NAV3: variants seen among roughly 807,000 people sequenced by gnomAD.
NAV3 encodes the protein neuron navigator 3.
NAV3 carries 87 observed loss-of-function variants against 244.7 expected under a neutral mutation model. The observed-to-expected ratio is 0.36, with a 90% CI of 0.30 to 0.42. NAV3 has a LOEUF of 0.42. Ranked by LOEUF, NAV3 falls within the 20% of genes least tolerant of loss-of-function variation. The pLI, the probability that NAV3 is intolerant of heterozygous loss-of-function variation, is 1.00. For missense variants in NAV3, 2,663 were observed against 2,893.3 expected, an observed-to-expected ratio of 0.92 and a Z score of 1.83; for synonymous variants, 1,126 against 1,042.2, an observed-to-expected ratio of 1.08 and a Z score of -1.55.
chr12:77,841,638 T>A (rs1875668043), intron 1 of NAV3, among the ~76,000 whole-genome samples: 1 of 152,236 alleles, frequency 6.6e-6, no homozygotes, highest in Non-Finnish European at 1.5e-5. Flanking sequence ...TGCTGGTTTA[T>A]GCATTTCCTG....
intron 3 of NAV3, among the ~76,000 whole-genome samples, chr12:77,952,068 T>TA (rs35164374): frequency 0.34 from 47,443 of 139,936 alleles, 8,410 homozygotes; most frequent in South Asian, 0.46. Context: ...AAAGTATAAT[T>TA]AAAAAAAAAA....
intron 1 of NAV3, among the ~76,000 whole-genome samples, chr12:77,932,722 C>T (rs952113315): frequency 2.0e-5 from 3 of 152,074 alleles, no homozygotes; most frequent in African/African-American, 4.8e-5. Context: ...TTTTCATGTT[C>T]CCTACATGAA....
intron 2 of NAV3, among the ~76,000 whole-genome samples, chr12:77,725,576 A>G (rs925055130): frequency 1.3e-4 from 19 of 152,000 alleles, no homozygotes; most frequent in Admixed American, 9.2e-4. Flanking sequence ...TAGGGTGGAA[A>G]TCAGAGAAAG....
chr12:78,037,976 A>G (rs1880197646), intron 9 of NAV3, among the ~76,000 whole-genome samples: 1 of 152,170 alleles, frequency 6.6e-6, no homozygotes, highest in South Asian at 2.1e-4. Flanking sequence ...TTTGACAAAA[A>G]CTAGTTCTGC....
chr12:77,919,173 A>G (rs1029155420), intron 1 of NAV3, among the ~76,000 whole-genome samples: 1 of 152,086 alleles, frequency 6.6e-6, no homozygotes, highest in Admixed American at 6.6e-5. Context: ...CAAATATTTT[A>G]TGTCTATGGC....
At chr12:78,165,935 A>AC (rs756667614) in intron 23 of NAV3, among the ~76,000 whole-genome samples, 2 of 149,376 alleles carry the variant, frequency 1.3e-5, no homozygotes, top group Non-Finnish European at 3.0e-5. Flanking sequence ...TTTATATGGT[A>AC]CCCCACTCAC....
At chr12:78,109,620 A>G (rs1413147024) in intron 12 of NAV3, among the ~76,000 whole-genome samples, 3 of 152,066 alleles carry the variant, frequency 2.0e-5, no homozygotes, top group Non-Finnish European at 4.4e-5. Context: ...GGTTTGTATC[A>G]AGGATACAAG....
chr12:78,042,865 G>A (rs1593366138), intron 9 of NAV3, among the ~76,000 whole-genome samples: 1 of 151,586 alleles, frequency 6.6e-6, no homozygotes, highest in East Asian at 1.9e-4. Flanking sequence ...TCTACATAAG[G>A]CAAATTTACC....
intron 2 of NAV3, among the ~76,000 whole-genome samples, chr12:77,733,222 A>C (rs963031209): frequency 6.6e-6 from 1 of 152,048 alleles, no homozygotes; most frequent in Non-Finnish European, 1.5e-5. Context: ...GAGAGGCATT[A>C]AGGAGGTACG....
In NAV3 at chr12:77,653,017, C is replaced by T. The variant is rs1872898121; in HGVS notation, c.72+80751C>T. Among the ~76,000 whole-genome samples the T allele has an allele frequency of 4.0e-5, 6 of 151,470 alleles. No individual in the cohort carries two copies. The South Asian group carries it at 1.2e-3, about 31-fold the overall frequency. ...GGGTTATGTGGCTGAAAAATATTAC[C>T]TAGTCAAATAAATTTAAGAAACTGG... On this transcript the variant is annotated intron_variant, in intron 2 of 8. Coordinates refer to the NAV3 transcript ENST00000550042.
At chr12:78,197,640 G>T (rs1959196361) in intron 35 of NAV3, among the ~76,000 whole-genome samples, 2 of 151,708 alleles carry the variant, frequency 1.3e-5, no homozygotes, top group South Asian at 2.1e-4. Flanking sequence ...ATTATTTTTA[G>T]ACTTACAATG....
intron 2 of NAV3, among the ~76,000 whole-genome samples, chr12:77,653,557 G>C (rs1348082812): frequency 1.3e-5 from 2 of 152,154 alleles, no homozygotes; most frequent in Non-Finnish European, 2.9e-5. Flanking sequence ...ATATTATCGT[G>C]TGTTGGAAAA....
At chr12:78,013,759 G>A (rs1213291491) in intron 8 of NAV3, among the ~76,000 whole-genome samples, 1 of 152,042 alleles carries the variant, frequency 6.6e-6, no homozygotes, top group African/African-American at 2.4e-5. Context: ...GATGAACCAG[G>A]TTAAATGTAT....
intron 2 of NAV3, among the ~76,000 whole-genome samples, chr12:77,689,367 G>T (rs1333777425): frequency 6.6e-6 from 1 of 151,838 alleles, no homozygotes; most frequent in Non-Finnish European, 1.5e-5. Flanking sequence ...TTCTACCAGT[G>T]GTTGAAGTGC....
intron 9 of NAV3, among the ~76,000 whole-genome samples, chr12:78,036,049 G>A (rs981844047): frequency 6.6e-6 from 1 of 152,150 alleles, no homozygotes; most frequent in Non-Finnish European, 1.5e-5. Context: ...GGGTGTGAGT[G>A]TGTGTCCGTG....
chr12:77,607,460 A>C (rs1176019153), intron 2 of NAV3, among the ~76,000 whole-genome samples: 1 of 152,050 alleles, frequency 6.6e-6, no homozygotes, highest in Non-Finnish European at 1.5e-5. Flanking sequence ...TCAGATCCAA[A>C]ATTTTTGCCT....
intron 3 of NAV3, among the ~76,000 whole-genome samples, chr12:77,964,867 AT>A (rs1323511320): frequency 6.6e-6 from 1 of 152,068 alleles, no homozygotes; most frequent in Non-Finnish European, 1.5e-5. Flanking sequence ...ACAGCATATC[AT>A]TGTATATTAT....
chr12:77,597,999 A>G (rs1870246104), intron 2 of NAV3, among the ~76,000 whole-genome samples: 1 of 152,052 alleles, frequency 6.6e-6, no homozygotes, highest in African/African-American at 2.4e-5. Context: ...GGCTCTGAAC[A>G]CTGAAAAAAA....
intron 1 of NAV3, among the ~76,000 whole-genome samples, chr12:77,884,058 A>C (rs1882994357): frequency 6.6e-6 from 1 of 152,134 alleles, no homozygotes; most frequent in Admixed American, 6.6e-5. Flanking sequence ...TCATTCATTC[A>C]AGTAAAGGAA....
Sources: allele counts gnomAD v4.1 joint callset (sites outside exome capture counted in the v4.1 genomes callset), GRCh38; gene constraint gnomAD v4.1.1; transcripts MANE v1.5; gene names NCBI Gene and HGNC (gene_info 2026-07-23, HGNC 2026-07-21).